Variants in SEC61A2 observed in about 807,000 individuals in gnomAD.
SEC61A2 encodes protein transport protein Sec61 subunit alpha isoform 2.
In SEC61A2, 28 loss-of-function variants were observed where a neutral mutation model predicts 59.9. That is an observed-to-expected ratio of 0.47 (90% CI 0.35 to 0.64). The LOEUF (loss-of-function observed/expected upper bound fraction) is 0.64. SEC61A2 is among the 30% of genes least tolerant of loss of function. SEC61A2 has a pLI of 0.01. For missense variants in SEC61A2, 340 were observed against 585.9 expected (o/e 0.58, Z 4.33); for synonymous variants, 202 against 214.4 (o/e 0.94, Z 0.50).
rs753056562 is a variant in SEC61A2 at position 12,162,171 on chromosome 10, A to G, written c.1168-42A>G. ...AGAACGTGGTAGATGTAAGCAGTGA[A>G]ATGTTCCAGTTGGATTTTGAAAGTC... On this transcript the variant is annotated intron_variant, in intron 10 of 11. Transcript: ENST00000298428. The surrounding 1 kb of genome is among the most constrained non-coding windows in gnomAD (Gnocchi z 6.1). 2.6e-6 allele frequency: 4 copies of G among 1,521,550 alleles called. No homozygotes were observed. Among genetic ancestry groups the G allele is most frequent in the Non-Finnish European group, 2.7e-6 (3 of 1,096,412 alleles). 94.3% of individuals were successfully genotyped at this position (1,521,550 alleles called of 1,614,324 possible).
intron 4 of SEC61A2, among the ~76,000 whole-genome samples, chr10:12,146,850 C>G (rs937317900): frequency 5.3e-5 from 8 of 151,926 alleles, no homozygotes; most frequent in Admixed American, 4.6e-4. Flanking sequence ...TTTGTAAGAG[C>G]TCTTTGCACA....
At position 12,152,280 on chromosome 10, in the gene SEC61A2, G is replaced by A. The variant is rs7914422; in HGVS notation, c.462+2319G>A. 0.42 allele frequency among the ~76,000 whole-genome samples: 63,587 copies of A among 151,732 alleles called. 13,316 individuals carry two copies. Among genetic ancestry groups the A allele is most frequent in the East Asian group, 0.53 (2,682 of 5,092 alleles). ...TTTTTAGTAGAGATGGGATTTTGCCGTGTTGGCCAGGCTGGTCTTGAACTT... is the reference window on the plus strand; with the variant it reads ...TTTTTAGTAGAGATGGGATTTTGCCATGTTGGCCAGGCTGGTCTTGAACTT... On this transcript the variant is annotated intron_variant, in intron 6 of 11. Coordinates refer to ENST00000298428, the MANE Select transcript of SEC61A2 (RefSeq NM_018144.4). This position sits in a 1 kb window ranked among gnomAD's most constrained non-coding sequence, Gnocchi z 5.5.
rs1834400823 is a variant in SEC61A2 at position 12,156,600 on chromosome 10, T to A, written c.617-307T>A. Among the ~76,000 whole-genome samples, 1 of 152,198 alleles carries A rather than the reference T, an allele frequency of 6.6e-6. No individual in the cohort carries two copies. The highest frequency in any genetic ancestry group is 1.5e-5 in the Non-Finnish European group (1 of 68,038). ...TTTTTCCTAAAAACACTCTCTCCCT[T>A]CCCTGAAGTAGAGGAGAGGCAAATC... On this transcript the variant is annotated intron_variant, in intron 7 of 11. Transcript: ENST00000298428. The surrounding 1 kb of genome is among the most constrained non-coding windows in gnomAD (Gnocchi z 5.2).
At chr10:12,144,534 C>T (rs542263195) in intron 4 of SEC61A2, among the ~76,000 whole-genome samples, 29 of 152,104 alleles carry the variant, frequency 1.9e-4, no homozygotes, top group Non-Finnish European at 3.5e-4. Flanking sequence ...TGCAAGGTGC[C>T]GAGATTAGAG....
At chr10:12,136,827 A>G (rs1462196189) in intron 3 of SEC61A2, among the ~76,000 whole-genome samples, 1 of 151,888 alleles carries the variant, frequency 6.6e-6, no homozygotes, top group Non-Finnish European at 1.5e-5. Flanking sequence ...ATGGGGTTTC[A>G]CTATATTGAC....
Position 12,164,279 on chromosome 10 carries a change from C to T in SEC61A2, c.1256C>T (p.Thr419Ile). ...GTTCTGTCTCCTAGGTACATCCCCA[C>T]CGCAGCTGCGTTTGGCGGTTTGTGC... ...MVHELNRYIP[T>I]AAAFGGLCIG... The change falls in exon 12 of 12, where the codon ACC (threonine) becomes ATC (isoleucine). Residue 419 changes from threonine to isoleucine, a missense_variant. Physicochemically the swap from Thr to Ile is moderately conservative, Grantham distance 89. Transcript: ENST00000298428. This position sits in a 1 kb window ranked among gnomAD's most constrained non-coding sequence, Gnocchi z 7.3. The T allele has an allele frequency of 6.2e-7, 1 of 1,613,090 alleles. No individual in the cohort carries two copies. The highest frequency in any genetic ancestry group is 8.5e-7 in the Non-Finnish European group (1 of 1,180,024).
chr10:12,165,330 T>TAAAC lies in SEC61A2; in HGVS notation c.*878_*881dup, dbSNP rs1268074457. On this transcript the variant is annotated 3_prime_UTR_variant, in exon 12 of 12. Transcript: ENST00000298428. ...TGTACTCACAGCAGCAACATGAGTG[T>TAAAC]AAACAGTAGACAATAAACTTTTATT... The TAAAC allele has an allele frequency of 2.0e-6, 2 of 982,982 alleles. No individual in the cohort carries two copies. Among genetic ancestry groups the TAAAC allele is most frequent in the East Asian group, 1.1e-4 (1 of 8,820 alleles). 60.9% of individuals were successfully genotyped at this position (982,982 alleles called of 1,614,324 possible).
Position 12,161,258 on chromosome 10 carries a change from G to T in SEC61A2, c.1167+137G>T. 1 of 623,168 alleles carries T rather than the reference G, an allele frequency of 1.6e-6. No homozygotes were observed. 38.6% of individuals were successfully genotyped at this position (623,168 alleles called of 1,614,324 possible). A position where few individuals can be genotyped will look rare whatever the true frequency, so the allele number is the denominator to read the frequency against. The stretch of plus-strand genomic sequence containing the variant: ...TTTTGAGACCAGCCTGGGCAACATA[G>T]CGAGACCCCGTCATGACTAAAAAAA... On this transcript the variant is annotated intron_variant, in intron 10 of 11. Coordinates refer to ENST00000298428, the MANE Select transcript of SEC61A2 (RefSeq NM_018144.4). This position sits in a 1 kb window ranked among gnomAD's most constrained non-coding sequence, Gnocchi z 5.4.
chr10:12,131,376 C>G (rs1251870999), intron 1 of SEC61A2, among the ~76,000 whole-genome samples: 1 of 152,172 alleles, frequency 6.6e-6, no homozygotes, highest in African/African-American at 2.4e-5. Flanking sequence ...TGCGGCTTGT[C>G]TTTCTCCACA....
At chr10:12,159,337 T>G (rs1420520165) in intron 9 of SEC61A2, among the ~76,000 whole-genome samples, 1 of 152,184 alleles carries the variant, frequency 6.6e-6, no homozygotes, top group Non-Finnish European at 1.5e-5. Context: ...ACTGTGGGAC[T>G]GAATTTTCAT....
downstream of SEC61A2, chr10:12,169,864 T>C (rs1834813862): frequency 2.6e-6 from 1 of 384,670 alleles, no homozygotes. The surrounding 1 kb of genome is among the most constrained non-coding windows in gnomAD (Gnocchi z 4.8). Flanking sequence ...AAACAATGCT[T>C]CAAATCACAT....
intron 6 of SEC61A2, among the ~76,000 whole-genome samples, chr10:12,150,578 A>G (rs1834247930): frequency 6.6e-6 from 1 of 152,248 alleles, no homozygotes; most frequent in Non-Finnish European, 1.5e-5. Flanking sequence ...AATTCTTTGC[A>G]ATAAGGTATT....
rs776981857 is a variant in SEC61A2 at position 12,157,202 on chromosome 10, T to A, written c.777+135T>A. The A allele has an allele frequency of 1.9e-5, 15 of 786,932 alleles. No individual in the cohort carries two copies. In the African/African-American group the frequency reaches 2.3e-4, roughly 12 times the overall value. 48.7% of individuals were successfully genotyped at this position (786,932 alleles called of 1,614,324 possible). On this transcript the variant is annotated intron_variant, in intron 8 of 11. Coordinates refer to ENST00000298428, the MANE Select transcript of SEC61A2 (RefSeq NM_018144.4). Reference sequence around the variant, plus strand: ...GGGAAATAAAATTTTGCAATTAGAGTCTCCAGACTCTGATTTTAAGGTGTG... The same window carrying A: ...GGGAAATAAAATTTTGCAATTAGAGACTCCAGACTCTGATTTTAAGGTGTG...
intron 2 of SEC61A2, 124 bp from the exon 3 acceptor site, chr10:12,135,981 A>G (rs929662852): frequency 2.9e-5 from 20 of 698,844 alleles, no homozygotes; most frequent in Admixed American, 2.6e-4. Context: ...CCTTTATAAC[A>G]CATAACGGAC....
downstream of SEC61A2, chr10:12,166,896 G>T: frequency 3.0e-6 from 1 of 333,020 alleles, no homozygotes; most frequent in South Asian, 2.4e-5. Flanking sequence ...TGGGTTTCAG[G>T]TACTGGCTGA....
At position 12,143,333 on chromosome 10, in the gene SEC61A2, C is replaced by G; in HGVS notation, c.220+138C>G. 1 of 699,196 alleles carries G rather than the reference C, an allele frequency of 1.4e-6. No homozygotes were observed. Among genetic ancestry groups the G allele is most frequent in the Admixed American group, 2.1e-5 (1 of 47,558 alleles). The allele number at this position is 699,196 out of a possible 1,614,324, so 43.3% of individuals were successfully genotyped here. The stretch of plus-strand genomic sequence containing the variant: ...GAAAAGCCTAGTATGTAGATAATGA[C>G]AACACCGTGTGATTAATGTAATCAT... On this transcript the variant is annotated intron_variant, in intron 4 of 11. Transcript: ENST00000298428. The surrounding 1 kb of genome is among the most constrained non-coding windows in gnomAD (Gnocchi z 4.8).
chr10:12,168,855 C>T (rs534185566), downstream of SEC61A2, among the ~76,000 whole-genome samples: 13 of 152,070 alleles, frequency 8.5e-5, no homozygotes, highest in African/African-American at 2.4e-4. This position sits in a 1 kb window ranked among gnomAD's most constrained non-coding sequence, Gnocchi z 4.8. Context: ...CTGCGCCTCC[C>T]GGGTTCAAGC....
At position 12,153,819 on chromosome 10, in the gene SEC61A2, G is replaced by T; in HGVS notation, c.463-1959G>T. The stretch of plus-strand genomic sequence containing the variant: ...TGTTTCACCCAGAAACATAGGTTTT[G>T]AAAACTGTTTGCATGCCGTTGTGGA... On this transcript the variant is annotated intron_variant, in intron 6 of 11. Transcript: ENST00000298428. The surrounding 1 kb of genome is among the most constrained non-coding windows in gnomAD (Gnocchi z 5.2). 6.3e-7 allele frequency: 1 copy of T among 1,595,828 alleles called. No individual in the cohort carries two copies. Among genetic ancestry groups the T allele is most frequent in the South Asian group, 1.1e-5 (1 of 87,566 alleles).
intron 6 of SEC61A2, among the ~76,000 whole-genome samples, chr10:12,150,338 A>C (rs995648215): frequency 6.6e-6 from 1 of 152,214 alleles, no homozygotes; most frequent in Non-Finnish European, 1.5e-5. Context: ...GGAGGCAGTC[A>C]TGGTGGTGTC....
Sources: allele counts gnomAD v4.1 joint callset (sites outside exome capture counted in the v4.1 genomes callset), GRCh38; gene constraint gnomAD v4.1.1; non-coding constraint Gnocchi (gnomAD v3.1); transcripts MANE v1.5; gene names NCBI Gene and HGNC (gene_info 2026-07-23, HGNC 2026-07-21).